The following RYR1 variants were observed in gnomAD, a reference collection of about 807,000 sequenced individuals.
RYR1 encodes the protein central core disease of muscle.
Under a neutral mutation model 583.5 loss-of-function variants are expected in RYR1, and 342 were observed. That is an observed-to-expected ratio of 0.59 (90% CI 0.54 to 0.64). RYR1 has a LOEUF of 0.64. Among genes scored for constraint, RYR1 ranks in the 30% least tolerant of loss-of-function variants. The pLI, the probability that RYR1 is intolerant of heterozygous loss-of-function variation, is 0.00. For synonymous variants in RYR1, 2,791 were observed against 2,822.5 expected (o/e 0.99, Z 0.35); for missense variants, 6,032 against 6,917.2 (o/e 0.87, Z 4.54).
At chr19:38,542,445 C>A (rs561351196) in intron 84 of RYR1, among the ~76,000 whole-genome samples, 41 of 152,272 alleles carry the variant, frequency 2.7e-4, no homozygotes, top group African/African-American at 7.5e-4. Context: ...TTGGAAAAAA[C>A]TGAATGAATA....
intron 25 of RYR1, among the ~76,000 whole-genome samples, chr19:38,468,044 TCCATCATCCATCCATCCATCCATCCATC>T (rs1968208820): frequency 7.2e-6 from 1 of 139,838 alleles, no homozygotes; most frequent in Non-Finnish European, 1.5e-5. Context: ...CATCCATCCA[TCCATCATCCATCCATCCATCCATCCATC>T]CATCCATCCA....
At position 38,525,406 on chromosome 19, in the gene RYR1, C is replaced by T. The variant is rs760656697; in HGVS notation, c.10530C>T (p.Ile3510=). 1.6e-5 allele frequency: 26 copies of T among 1,613,858 alleles called. No homozygotes were observed. The Middle Eastern group carries it at 9.9e-4, about 61-fold the overall frequency. ...GDRYSVQTSL[I]VATLKKMLPI... is the part of the protein sequence containing the mutation. ...GGTACTCTGTGCAGACGTCACTGAT[C>T]GTGGCCACACTGAAGAAGATGCTGC... The change falls in exon 71 of 106, where the codon ATC becomes ATT. Residue 3510 remains isoleucine (I), a synonymous_variant. Coordinates refer to ENST00000359596, the MANE Select transcript of RYR1 (RefSeq NM_000540.3).
intron 90 of RYR1, among the ~76,000 whole-genome samples, chr19:38,562,834 G>C (rs78775617): frequency 1.3e-3 from 192 of 152,178 alleles, no homozygotes; most frequent in African/African-American, 4.5e-3. Flanking sequence ...ATGCCGCCAC[G>C]CCCTCCTTAC....
chr19:38,514,934 C>A, intron 63 of RYR1, 92 bp from the exon 64 acceptor site: 1 of 824,492 alleles, frequency 1.2e-6, no homozygotes, highest in African/African-American at 1.7e-5. Flanking sequence ...TGCTCTTCCC[C>A]ACTGCATGGG....
chr19:38,444,558 G>C lies in RYR1; in HGVS notation c.538-26G>C. On this transcript the variant is annotated intron_variant, in intron 6 of 105. Transcript: ENST00000359596. The surrounding 1 kb of genome is among the most constrained non-coding windows in gnomAD (Gnocchi z 5.1). The stretch of plus-strand genomic sequence containing the variant: ...CTCGCCCACCCCTGCAATCGTCTCT[G>C]ACTGCCGCATCCTGGTGGCCCCCAG... 1.2e-6 allele frequency: 2 copies of C among 1,606,990 alleles called. No homozygotes were observed. Among genetic ancestry groups the C allele is most frequent in the Non-Finnish European group, 1.7e-6 (2 of 1,175,286 alleles).
chr19:38,447,599 T>C (rs1973008719), intron 9 of RYR1, among the ~76,000 whole-genome samples: 1 of 151,362 alleles, frequency 6.6e-6, no homozygotes, highest in Non-Finnish European at 1.5e-5. Context: ...CCCAGCACTT[T>C]GGGAAGCCGA....
At chr19:38,479,479 C>T (rs1290160127) in intron 31 of RYR1, among the ~76,000 whole-genome samples, 1 of 152,166 alleles carries the variant, frequency 6.6e-6, no homozygotes, top group Admixed American at 6.6e-5. Context: ...GTGATCACAG[C>T]TGACTGCAGC....
intron 84 of RYR1, among the ~76,000 whole-genome samples, chr19:38,542,812 C>T (rs766802604): frequency 2.0e-5 from 3 of 150,676 alleles, no homozygotes; most frequent in Non-Finnish European, 4.4e-5. Context: ...TGAGCCACCG[C>T]TCCCAGCCTA....
At chr19:38,563,153 C>T (rs998851518) in intron 90 of RYR1, among the ~76,000 whole-genome samples, 6 of 152,216 alleles carry the variant, frequency 3.9e-5, no homozygotes, top group African/African-American at 7.2e-5. Flanking sequence ...TCCAAACACC[C>T]GCTTCCTTCT....
intron 77 of RYR1, 57 bp from the exon 78 acceptor site, chr19:38,532,614 T>G: frequency 6.2e-7 from 1 of 1,613,750 alleles, no homozygotes. Flanking sequence ...CAAAAAGGGC[T>G]GGGGCGGGAT....
Position 38,515,126 on chromosome 19 carries a change from C to A in RYR1, c.9554+19C>A. On this transcript the variant is annotated intron_variant, in intron 64 of 105. Transcript: ENST00000359596. ...TGGAAAAGTAAGGAGAGGGAGCCATCGTTTGGGGCTGGGTGGGGCTGGAGG... is the reference window on the plus strand; with the variant it reads ...TGGAAAAGTAAGGAGAGGGAGCCATAGTTTGGGGCTGGGTGGGGCTGGAGG... The A allele has an allele frequency of 9.3e-7, 1 of 1,070,804 alleles. No individual in the cohort carries two copies. Among genetic ancestry groups the A allele is most frequent in the Non-Finnish European group, 1.3e-6 (1 of 751,662 alleles). 66.3% of individuals were successfully genotyped at this position (1,070,804 alleles called of 1,614,324 possible). A position where few individuals can be genotyped will look rare whatever the true frequency, so the allele number is the denominator to read the frequency against.
chr19:38,505,983 T>G lies in RYR1; in HGVS notation c.8541+37T>G, dbSNP rs2960343. The stretch of plus-strand genomic sequence containing the variant: ...GCCTGGGTGGAGGGCAGGGGCACGA[T>G]GGGGGGAGGGTCTAGAACAAGGGGC... On this transcript the variant is annotated intron_variant, in intron 54 of 105. Coordinates refer to ENST00000359596, the MANE Select transcript of RYR1 (RefSeq NM_000540.3). 0.27 allele frequency: 413,385 copies of G among 1,536,592 alleles called. 64,374 individuals are homozygous for G. The highest frequency in any genetic ancestry group is 0.44 in the South Asian group (39,221 of 88,416).
rs1337925480 is a variant in RYR1 at position 38,523,134 on chromosome 19, C to T, written c.10347+19C>T. On this transcript the variant is annotated intron_variant, in intron 68 of 105. Coordinates refer to ENST00000359596, the MANE Select transcript of RYR1 (RefSeq NM_000540.3). Reference sequence around the variant, plus strand: ...GTCCCACGTGAGTGCCCACCCCAACCGCCCTCCCCACAACCAGAGGAGCCG... The same window carrying T: ...GTCCCACGTGAGTGCCCACCCCAACTGCCCTCCCCACAACCAGAGGAGCCG... 22 of 1,613,760 alleles carry T rather than the reference C, an allele frequency of 1.4e-5. No homozygotes were observed. The highest frequency in any genetic ancestry group is 4.0e-5 in the African/African-American group (3 of 74,928).
chr19:38,502,662 T>G lies in RYR1; in HGVS notation c.7770T>G (p.Ser2590=). The change falls in exon 48 of 106, where the codon TCT becomes TCG. Residue 2590 remains serine (S), a synonymous_variant. Coordinates refer to ENST00000359596, the MANE Select transcript of RYR1 (RefSeq NM_000540.3). ...DSMLHTVYRL[S]RGRSLTKAQR... Reference sequence around the variant, plus strand: ...TGCTGCATACCGTGTACCGCCTGTCTCGGGGTCGTTCGCTCACCAAGGCGC... The same window carrying G: ...TGCTGCATACCGTGTACCGCCTGTCGCGGGGTCGTTCGCTCACCAAGGCGC... The G allele has an allele frequency of 6.2e-7, 1 of 1,611,256 alleles. No homozygotes were observed. Among genetic ancestry groups the G allele is most frequent in the Non-Finnish European group, 8.5e-7 (1 of 1,179,836 alleles).
chr19:38,479,901 G>A (rs1047295409), intron 31 of RYR1, among the ~76,000 whole-genome samples: 1 of 151,790 alleles, frequency 6.6e-6, no homozygotes, highest in African/African-American at 2.4e-5. Context: ...TGTATTTATT[G>A]TGCAGACGGG....
intron 69 of RYR1, chr19:38,523,618 T>A (rs751222110): frequency 1.7e-6 from 1 of 601,978 alleles, no homozygotes; most frequent in African/African-American, 1.9e-5. Context: ...TCTCCAAGCC[T>A]CTCTCTCCTC....
Position 38,443,721 on chromosome 19 carries a change from C to G in RYR1, c.349C>G (p.Leu117Val), listed in dbSNP as rs760949575. The change falls in exon 5 of 106, where the codon CTG (leucine) becomes GTG (valine). Residue 117 changes from leucine (L) to valine (V), a missense_variant. Physicochemically the swap from Leu to Val is conservative, Grantham distance 32 (BLOSUM62 1). Around this residue, in one of 11 missense-constraint regions of RYR1, gnomAD observed 338 missense variants for 441.6 expected, o/e 0.77. Coordinates refer to ENST00000359596, the MANE Select transcript of RYR1 (RefSeq NM_000540.3). ...LLRHAHSRMY[L>V]SCLTTSRSMT... The stretch of plus-strand genomic sequence containing the variant: ...TGACCTCCCTCTACAACCCTAGTAT[C>G]TGAGCTGCCTCACCACCTCCCGCTC... 1 of 1,614,112 alleles carries G rather than the reference C, an allele frequency of 6.2e-7. No individual in the cohort carries two copies. Among genetic ancestry groups the G allele is most frequent in the Non-Finnish European group, 8.5e-7 (1 of 1,179,998 alleles).
chr19:38,502,527 G>T lies in RYR1; in HGVS notation c.7635G>T (p.Glu2545Asp). The change falls in exon 48 of 106, where the codon GAG becomes GAT. Residue 2545 changes from glutamate to aspartate, a missense_variant. By Grantham distance (45) the Glu-to-Asp change is conservative (BLOSUM62 2). Transcript: ENST00000359596. Reference protein sequence around the residue: ...SLDTATFSTTEMALALNRYLC... With the variant: ...SLDTATFSTTDMALALNRYLC... ...CCTAGGCCACTTTCAGCACCACCGA[G>T]ATGGCGCTGGCGCTGAACCGCTACC... 6.2e-7 allele frequency: 1 copy of T among 1,608,918 alleles called. No homozygotes were observed.
chr19:38,493,920 C>T (rs952492485), intron 38 of RYR1, among the ~76,000 whole-genome samples: 1 of 152,108 alleles, frequency 6.6e-6, no homozygotes, highest in African/African-American at 2.4e-5. Flanking sequence ...TGCAGTTGTA[C>T]AGTTTATTAT....
Sources: gnomAD v4.1 joint callset for allele counts (sites outside exome capture counted in the v4.1 genomes callset) on GRCh38, gnomAD v4.1.1 for gene constraint, gnomAD v4.1.1 regional missense constraint, Gnocchi (gnomAD v3.1) non-coding constraint, MANE v1.5 for transcripts, NCBI Gene and HGNC (gene_info 2026-07-23, HGNC 2026-07-21) for gene names.